Variants in SLAMF9 observed in about 807,000 individuals in gnomAD.
SLAMF9 encodes SLAM family member 9, also known as CD2 family member 10.
In SLAMF9, 25 loss-of-function variants were observed where a neutral mutation model predicts 30.4. The ratio of observed to expected loss-of-function variants is 0.82; its 90% CI spans 0.60 to 1.15. The LOEUF (loss-of-function observed/expected upper bound fraction) is 1.15, where lower values mean the gene tolerates loss of function less well. Ranked by LOEUF, SLAMF9 falls within the 50% of genes most tolerant of loss-of-function variation. The pLI, the probability that SLAMF9 is intolerant of heterozygous loss-of-function variation, is 0.00. For synonymous variants in SLAMF9, 129 were observed against 127.2 expected (o/e 1.01, Z -0.09); for missense variants, 344 against 346.1 (o/e 0.99, Z 0.05).
At chr1:159,960,798 C>T in the SLAMF9 span, among the ~76,000 whole-genome samples, 1 of 152,280 alleles carries the variant, frequency 6.6e-6, no homozygotes, top group South Asian at 2.1e-4. Flanking sequence ...CTCAGCCAAG[C>T]AACTGGGAAG....
At chr1:159,962,709 CT>C in the SLAMF9 span, among the ~76,000 whole-genome samples, 3 of 152,164 alleles carry the variant, frequency 2.0e-5, no homozygotes, top group South Asian at 6.2e-4. Flanking sequence ...TCGATTTTCT[CT>C]GAAGTGGAGT....
At chr1:159,976,982 G>A in the SLAMF9 span, 54 of 44,520 alleles carry the variant, frequency 1.2e-3, 1 homozygote, top group Admixed American at 3.6e-3. Flanking sequence ...AGGAAAGAAG[G>A]AAAGAAGGAA....
intron 1 of SLAMF9, 102 bp downstream of exon 1, chr1:159,953,990 C>T (rs969356392): frequency 2.8e-5 from 39 of 1,416,592 alleles, no homozygotes; most frequent in Middle Eastern, 2.3e-4. Flanking sequence ...AGAGCTGACA[C>T]ATTCAACCCC....
chr1:159,957,620 C>G (rs1394326434), upstream of SLAMF9, among the ~76,000 whole-genome samples: 1 of 151,550 alleles, frequency 6.6e-6, no homozygotes, highest in Non-Finnish European at 1.5e-5. Context: ...GAGACTCCAT[C>G]TAAAAAAAAA....
Position 159,952,389 on chromosome 1 carries a change from G to T in SLAMF9, c.537C>A (p.Phe179Leu), listed in dbSNP as rs202245585. 70 of 1,614,114 alleles carry T rather than the reference G, an allele frequency of 4.3e-5. No individual in the cohort carries two copies. The highest frequency in any genetic ancestry group is 5.9e-5 in the Non-Finnish European group (70 of 1,180,002). ...ATGTGCTGAGGACAGGGCCTTCATG[G>T]AATGTATAAGTGCTATCCCCCCGGG... The part of the protein sequence containing the change: ...WLSRGDSTYT[F>L]HEGPVLSTSW... The change falls in exon 3 of 4, where the codon TTC (phenylalanine) becomes TTA (leucine). Residue 179 changes from phenylalanine (F) to leucine (L), a missense_variant. Physicochemically the swap from Phe to Leu is conservative, Grantham distance 22. Transcript: ENST00000368093.
At chr1:159,955,328 A>G (rs1394558190), upstream of SLAMF9, among the ~76,000 whole-genome samples, 2 of 152,296 alleles carry the variant, frequency 1.3e-5, no homozygotes, top group African/African-American at 4.8e-5. Flanking sequence ...TATTCAAGCT[A>G]AGAGGACAAT....
chr1:159,980,038 G>A, the SLAMF9 span, among the ~76,000 whole-genome samples: 1 of 152,164 alleles, frequency 6.6e-6, no homozygotes, highest in African/African-American at 2.4e-5. Context: ...AATTAGGGTC[G>A]GGGAGAAGAT....
the SLAMF9 span, among the ~76,000 whole-genome samples, chr1:159,981,246 G>A: frequency 3.9e-5 from 6 of 152,094 alleles, no homozygotes; most frequent in Non-Finnish European, 7.4e-5. Flanking sequence ...AAGACTGTGC[G>A]GAGACACAAG....
the SLAMF9 span, among the ~76,000 whole-genome samples, chr1:159,978,446 G>A: frequency 6.6e-6 from 1 of 152,164 alleles, no homozygotes; most frequent in East Asian, 1.9e-4. Context: ...TAGGTAGATG[G>A]ACAAATGTAG....
chr1:159,965,092 C>G, the SLAMF9 span, among the ~76,000 whole-genome samples: 2 of 152,194 alleles, frequency 1.3e-5, no homozygotes, highest in African/African-American at 4.8e-5. Context: ...GCCATTCATC[C>G]TACAATTATT....
the SLAMF9 span, among the ~76,000 whole-genome samples, chr1:159,965,087 T>C: frequency 6.6e-6 from 1 of 152,234 alleles, no homozygotes; most frequent in Admixed American, 6.5e-5. Context: ...AATTAGCCAT[T>C]CATCCTACAA....
At chr1:159,970,970 C>T in the SLAMF9 span, among the ~76,000 whole-genome samples, 1 of 152,180 alleles carries the variant, frequency 6.6e-6, no homozygotes, top group East Asian at 1.9e-4. Context: ...GGGGTTAGGA[C>T]AAGGTACTCT....
chr1:159,954,597 C>T (rs1369048233), upstream of SLAMF9, among the ~76,000 whole-genome samples: 1 of 152,136 alleles, frequency 6.6e-6, no homozygotes, highest in Non-Finnish European at 1.5e-5. Context: ...TCTATATCTC[C>T]CCAGACAGAC....
rs766328876 is a variant in SLAMF9, at chr1:159,953,514, G to A, written c.186C>T (p.Ala62=). The A allele has an allele frequency of 4.3e-6, 7 of 1,614,066 alleles. No individual in the cohort carries two copies. The East Asian group carries it at 6.7e-5, about 15-fold the overall frequency. The change falls in exon 2 of 4, where the codon GCC becomes GCT. Residue 62 remains alanine (A), a synonymous_variant. Coordinates refer to ENST00000368093, the MANE Select transcript of SLAMF9 (RefSeq NM_033438.4). ...GTCCCTCTTTCCCTGGCACCACAGTGGCAAGACTTTTGTGAGAGGACCAGA... is the reference window on the plus strand; with the variant it reads ...GTCCCTCTTTCCCTGGCACCACAGTAGCAAGACTTTTGTGAGAGGACCAGA... ...NIIWSSHKSL[A]TVVPGKEGHP...
the SLAMF9 span, chr1:159,976,992 AAGAAAGAAAGAAAG>A: frequency 8.2e-4 from 17 of 20,706 alleles, no homozygotes; most frequent in Admixed American, 1.8e-3. Flanking sequence ...GAAAGAAGGA[AAGAAAGAAAGAAAG>A]AGAAAGAAAG....
At chr1:159,968,613 A>G in the SLAMF9 span, among the ~76,000 whole-genome samples, 8 of 152,314 alleles carry the variant, frequency 5.3e-5, no homozygotes, top group South Asian at 2.1e-4. Context: ...GACCTTGAAC[A>G]TTGAAGGTGG....
the SLAMF9 span, chr1:159,974,020 C>T: frequency 6.2e-7 from 1 of 1,607,602 alleles, no homozygotes; most frequent in Admixed American, 1.7e-5. Flanking sequence ...GTCAGGGCAT[C>T]TCCTTCAAAC....
chr1:159,971,307 C>T, the SLAMF9 span, among the ~76,000 whole-genome samples: 7 of 152,198 alleles, frequency 4.6e-5, no homozygotes, highest in African/African-American at 1.4e-4. Context: ...AAAGGCCAGA[C>T]CTCTCTTTGG....
At chr1:159,980,102 G>A in the SLAMF9 span, among the ~76,000 whole-genome samples, 5 of 152,156 alleles carry the variant, frequency 3.3e-5, no homozygotes, top group Admixed American at 6.5e-5. Context: ...AATCAGCAAC[G>A]TGTGTCTTCC....
Sources: allele counts gnomAD v4.1 joint callset (sites outside exome capture counted in the v4.1 genomes callset), GRCh38; gene constraint gnomAD v4.1.1; transcripts MANE v1.5; gene names NCBI Gene and HGNC (gene_info 2026-07-23, HGNC 2026-07-21).